Variants in ATP2A3 observed in about 807,000 individuals in gnomAD.
ATP2A3 encodes the protein ATPase sarcoplasmic/endoplasmic reticulum Ca2+ transporting 3.
In ATP2A3, 61 loss-of-function variants were observed where a neutral mutation model predicts 106.8. The ratio of observed to expected loss-of-function variants is 0.57; its 90% CI spans 0.46 to 0.71. The LOEUF is 0.71. ATP2A3 is among the 30% of genes least tolerant of loss of function. The probability of loss-of-function intolerance (pLI) is 0.00; values close to 1 mark genes in which losing one functional copy is unlikely to be tolerated. For synonymous variants in ATP2A3, 611 were observed against 609.3 expected, an observed-to-expected ratio of 1.00 and a Z score of -0.04; for missense variants, 1,201 against 1,423.5, an observed-to-expected ratio of 0.84 and a Z score of 2.52.
At chr17:3,945,725 G>T (rs529024953) in intron 8 of ATP2A3, among the ~76,000 whole-genome samples, 10 of 152,338 alleles carry the variant, frequency 6.6e-5, no homozygotes, top group African/African-American at 2.2e-4. Flanking sequence ...GGCCCAGCAT[G>T]CCTATTTCTT....
chr17:3,930,676 G>T lies in ATP2A3; in HGVS notation c.2611-242C>A. 1.7e-6 allele frequency: 1 copy of T among 589,226 alleles called. No homozygotes were observed. The highest frequency in any genetic ancestry group is 3.1e-6 in the Non-Finnish European group (1 of 327,770). The allele number at this position is 589,226 out of a possible 1,614,324, so 36.5% of individuals were successfully genotyped here. The stretch of plus-strand genomic sequence containing the variant: ...GGGAAAGGCAGACGTTCTGGAGCAG[G>T]AGTGCAGCGGCTCAGAAGGAGAACA... On this transcript the variant is annotated intron_variant, in intron 17 of 20. Coordinates refer to ENST00000397041, the MANE Select transcript of ATP2A3 (RefSeq NM_005173.4). The surrounding 1 kb of genome is among the most constrained non-coding windows in gnomAD (Gnocchi z 5.4).
At chr17:3,949,127 C>CAA (rs869265323) in intron 7 of ATP2A3, among the ~76,000 whole-genome samples, 29 of 59,940 alleles carry the variant, frequency 4.8e-4, no homozygotes, top group East Asian at 1.3e-3. Flanking sequence ...GACTCTGTCT[C>CAA]AAAAAAAAAA....
chr17:3,945,630 TG>T (rs2054071352), intron 8 of ATP2A3, among the ~76,000 whole-genome samples: 1 of 152,174 alleles, frequency 6.6e-6, no homozygotes, highest in African/African-American at 2.4e-5. Flanking sequence ...AGCCCAGAGA[TG>T]TCCCCAGAGA....
chr17:3,926,856 A>C lies in ATP2A3; in HGVS notation c.2981-1415T>G. ...AGTGCTGGGATGACAGGTGTGAGCC[A>C]CTGCACCCGGCCCGTTAGTCTCACC... On this transcript the variant is annotated intron_variant, in intron 20 of 20. Coordinates refer to ENST00000397041, the MANE Select transcript of ATP2A3 (RefSeq NM_005173.4). The surrounding 1 kb of genome is among the most constrained non-coding windows in gnomAD (Gnocchi z 4.6). 1 of 985,384 alleles carries C rather than the reference A, an allele frequency of 1.0e-6. No individual in the cohort carries two copies. Among genetic ancestry groups the C allele is most frequent in the Non-Finnish European group, 1.2e-6 (1 of 829,906 alleles). The allele number at this position is 985,384 out of a possible 1,614,324, so 61.0% of individuals were successfully genotyped here. A position where few individuals can be genotyped will look rare whatever the true frequency, so the allele number is the denominator to read the frequency against.
chr17:3,951,824 A>C, intron 3 of ATP2A3, 139 bp from the exon 4 acceptor site: 1 of 893,526 alleles, frequency 1.1e-6, no homozygotes, highest in Admixed American at 2.1e-5. Flanking sequence ...GGAGAGGGCC[A>C]CTCCTCCGAG....
intron 8 of ATP2A3, among the ~76,000 whole-genome samples, chr17:3,946,242 CAAAAA>C (rs35377738): frequency 9.2e-6 from 1 of 109,288 alleles, no homozygotes; most frequent in South Asian, 3.1e-4. Flanking sequence ...GACTCCATCT[CAAAAA>C]AAAAAAAAAA....
rs767915867 is a variant in ATP2A3, at chr17:3,936,182, G to A, written c.2524+85C>T. 3 of 1,528,194 alleles carry A rather than the reference G, an allele frequency of 2.0e-6. No individual in the cohort carries two copies. The highest frequency in any genetic ancestry group is 2.7e-6 in the Non-Finnish European group (3 of 1,103,058). 94.7% of individuals were successfully genotyped at this position (1,528,194 alleles called of 1,614,324 possible). Reference sequence around the variant, plus strand: ...AGTTTCTACTGGCACAAGCCAGGCTGAGTCACACTGTCTGCAGCTTGCAAG... The same window carrying A: ...AGTTTCTACTGGCACAAGCCAGGCTAAGTCACACTGTCTGCAGCTTGCAAG... On this transcript the variant is annotated intron_variant, in intron 16 of 20. Transcript: ENST00000397041. This position sits in a 1 kb window ranked among gnomAD's most constrained non-coding sequence, Gnocchi z 5.4.
Position 3,944,778 on chromosome 17 carries a change from C to T in ATP2A3, c.1213G>A (p.Gly405Ser), listed in dbSNP as rs1264702774. ...VRQGDQPVRC[G>S]QFDGLVELAT... ...AGCTCCACCAGCCCGTCGAACTGGC[C>T]GCAGCGCACAGGCTGATCCCCCTGC... Residue 405 changes from glycine (G) to serine (S), a missense_variant, in exon 10 of 21, where the codon GGC becomes AGC. By Grantham distance (56) the Gly-to-Ser change is moderately conservative. Transcript: ENST00000397041. The T allele has an allele frequency of 3.1e-6, 5 of 1,612,340 alleles. No homozygotes were observed. The South Asian group carries it at 5.5e-5, about 18-fold the overall frequency.
At position 3,941,562 on chromosome 17, in the gene ATP2A3, C is replaced by T; in HGVS notation, c.1638G>A (p.Leu546=). ...PLTPTSREQI[L]AKIRDWGSGS... Reference sequence around the variant, plus strand: ...CTGAGCCCCAATCCCGGATCTTTGCCAGGATCTGCTCCCTGGAGGTGGGGG... The same window carrying T: ...CTGAGCCCCAATCCCGGATCTTTGCTAGGATCTGCTCCCTGGAGGTGGGGG... Residue 546 remains leucine (L), a synonymous_variant, in exon 13 of 21, where the codon CTG becomes CTA. Coordinates refer to ENST00000397041, the MANE Select transcript of ATP2A3 (RefSeq NM_005173.4). 6.2e-7 allele frequency: 1 copy of T among 1,613,712 alleles called. No homozygotes were observed. Among genetic ancestry groups the T allele is most frequent in the Non-Finnish European group, 8.5e-7 (1 of 1,180,034 alleles).
In ATP2A3 at chr17:3,953,139, A is replaced by G; in HGVS notation, c.219+208T>C. ...GAGGATAAGATGGATTGGAGGGGTCAGGTGGGAGCCGGGGACCCAATGTAG... is the reference window on the plus strand; with the variant it reads ...GAGGATAAGATGGATTGGAGGGGTCGGGTGGGAGCCGGGGACCCAATGTAG... On this transcript the variant is annotated intron_variant, in intron 3 of 20. Coordinates refer to ENST00000397041, the MANE Select transcript of ATP2A3 (RefSeq NM_005173.4). The surrounding 1 kb of genome is among the most constrained non-coding windows in gnomAD (Gnocchi z 5.1). 3 of 617,080 alleles carry G rather than the reference A, an allele frequency of 4.9e-6. No individual in the cohort carries two copies. The highest frequency in any genetic ancestry group is 8.7e-6 in the Non-Finnish European group (3 of 343,728). 38.2% of individuals were successfully genotyped at this position (617,080 alleles called of 1,614,324 possible). A position where few individuals can be genotyped will look rare whatever the true frequency, so the allele number is the denominator to read the frequency against.
chr17:3,928,672 G>A lies in ATP2A3; in HGVS notation c.2971C>T (p.His991Tyr). The A allele has an allele frequency of 6.4e-7, 1 of 1,550,778 alleles. No individual in the cohort carries two copies. ...GGGGCCTCCCACTCACCGTGCATGT[G>A]GTTCCGGGACAGGTACTTGAGGGCC... ...DEALKYLSRN[H>Y]MHEEMSQK The change falls in exon 20 of 21, where the codon CAC (histidine) becomes TAC (tyrosine). Residue 991 changes from histidine to tyrosine, a missense_variant. By Grantham distance (83) the His-to-Tyr change is moderately conservative. Transcript: ENST00000397041. The surrounding 1 kb of genome is among the most constrained non-coding windows in gnomAD (Gnocchi z 6.1).
Position 3,950,583 on chromosome 17 carries a change from G to A in ATP2A3, c.558C>T (p.Ser186=), listed in dbSNP as rs200817791. ...DQSILTGESV[S]VTKHTEAIPD... ...GGATGGCCTCTGTGTGCTTGGTCACGGACACAGATTCACCTGGTCAGGGAA... is the reference window on the plus strand; with the variant it reads ...GGATGGCCTCTGTGTGCTTGGTCACAGACACAGATTCACCTGGTCAGGGAA... Residue 186 remains serine (S), a synonymous_variant, in exon 7 of 21, where the codon TCC becomes TCT. Coordinates refer to ENST00000397041, the MANE Select transcript of ATP2A3 (RefSeq NM_005173.4). 25 of 1,614,092 alleles carry A rather than the reference G, an allele frequency of 1.5e-5. No homozygotes were observed. Among genetic ancestry groups the A allele is most frequent in the East Asian group, 6.7e-5 (3 of 44,876 alleles).
At chr17:3,957,037 GTACCAGGTGC>G (rs1490221076) in intron 1 of ATP2A3, among the ~76,000 whole-genome samples, 2 of 152,208 alleles carry the variant, frequency 1.3e-5, no homozygotes, top group Non-Finnish European at 2.9e-5. Context: ...GCCAAGCAAT[GTACCAGGTGC>G]CTTACCGCAT....
chr17:3,942,173 A>C (rs1197336865), intron 12 of ATP2A3, among the ~76,000 whole-genome samples: 2 of 152,148 alleles, frequency 1.3e-5, no homozygotes, highest in Non-Finnish European at 2.9e-5. Flanking sequence ...CCCCGGGCCT[A>C]GGAACAGCCT....
chr17:3,928,569 G>T lies in ATP2A3; in HGVS notation c.2980+94C>A. 8.5e-7 allele frequency: 1 copy of T among 1,181,168 alleles called. No individual in the cohort carries two copies. The highest frequency in any genetic ancestry group is 1.3e-5 in the South Asian group (1 of 76,164). The allele number at this position is 1,181,168 out of a possible 1,614,324, so 73.2% of individuals were successfully genotyped here. The stretch of plus-strand genomic sequence containing the variant: ...CGCCTCCCCGATGTGCAGACAGAGA[G>T]GCTCTGCGCTCCACACCCACAGCGT... On this transcript the variant is annotated intron_variant, in intron 20 of 20. Transcript: ENST00000397041. The surrounding 1 kb of genome is among the most constrained non-coding windows in gnomAD (Gnocchi z 6.1).
chr17:3,945,001 G>A, intron 9 of ATP2A3, 59 bp downstream of exon 9: 1 of 1,372,036 alleles, frequency 7.3e-7, no homozygotes, highest in Non-Finnish European at 9.5e-7. Context: ...CCTCGGCGCC[G>A]CCACGCGTGG....
rs1448418373 is a variant in ATP2A3, at chr17:3,937,570, C to T, written c.2167G>A (p.Gly723Ser). 1 of 1,614,032 alleles carries T rather than the reference C, an allele frequency of 6.2e-7. No homozygotes were observed. Among genetic ancestry groups the T allele is most frequent in the Non-Finnish European group, 8.5e-7 (1 of 1,180,036 alleles). The change falls in exon 15 of 21, where the codon GGC becomes AGC. Residue 723 changes from glycine to serine, a missense_variant. Around this residue, in one of 2 missense-constraint regions of ATP2A3, gnomAD observed 935 missense variants for 1,176.7 expected, o/e 0.79. Transcript: ENST00000397041. ...GCCGCCGACTTGGCCACGGCCGTGC[C>T]TGAGCCCATGGCGATGCCGATCTCT... ...KAEIGIAMGSGTAVAKSAAEM... is the reference protein window; with the variant it reads ...KAEIGIAMGSSTAVAKSAAEM...
At position 3,950,678 on chromosome 17, in the gene ATP2A3, T is replaced by TG. The variant is rs533567515; in HGVS notation, c.544+14dup. The TG allele has an allele frequency of 2.1e-3, 3,329 of 1,610,566 alleles. 14 individuals carry two copies. Among genetic ancestry groups the TG allele is most frequent in the South Asian group, 0.014 (1,313 of 90,968 alleles). On this transcript the variant is annotated intron_variant, in intron 6 of 20. Coordinates refer to ENST00000397041, the MANE Select transcript of ATP2A3 (RefSeq NM_005173.4). ...CCTGGCCCACTAGGTCCCGGCCTCC[T>TG]GGGGGGGGCCTCACCCGTCAGGATG...
intron 14 of ATP2A3, among the ~76,000 whole-genome samples, chr17:3,939,786 TAAAAAAAAAA>T (rs71381543): frequency 7.9e-5 from 4 of 50,492 alleles, no homozygotes; most frequent in African/African-American, 1.9e-4. Context: ...AGACTCTGTC[TAAAAAAAAAA>T]AAAAAAAAAA....
Sources: allele counts gnomAD v4.1 joint callset (sites outside exome capture counted in the v4.1 genomes callset), GRCh38; gene constraint gnomAD v4.1.1; regional missense constraint gnomAD v4.1.1; non-coding constraint Gnocchi (gnomAD v3.1); transcripts MANE v1.5; gene names NCBI Gene and HGNC (gene_info 2026-07-23, HGNC 2026-07-21).